IKBKB: variants seen among roughly 807,000 people sequenced by gnomAD.
IKBKB encodes inhibitor of nuclear factor kappa B kinase subunit beta, also known as inhibitor of nuclear factor kappa-B kinase subunit beta.
A neutral mutation model predicts 113.6 loss-of-function variants in IKBKB; 42 were observed. That is an observed-to-expected ratio of 0.37 (90% CI 0.29 to 0.48). The LOEUF (loss-of-function observed/expected upper bound fraction) is 0.48, where lower values mean the gene tolerates loss of function less well. IKBKB is among the 20% of genes least tolerant of loss of function. The pLI is 0.99. For synonymous variants in IKBKB, 296 were observed against 361.3 expected, an observed-to-expected ratio of 0.82 and a Z score of 2.05; for missense variants, 673 against 939.7, an observed-to-expected ratio of 0.72 and a Z score of 3.71.
rs1438889041 is a variant in IKBKB, at chr8:42,326,115, G to C, written c.2114+18G>C. ...AAGAAGAGGTAGGTCCTCCTTAGCA[G>C]TGCCAAGTGTGACCATCAAGGGCAC... On this transcript the variant is annotated intron_variant, in intron 20 of 21. Transcript: ENST00000520810. The C allele has an allele frequency of 7.4e-6, 12 of 1,613,760 alleles. No homozygotes were observed. The highest frequency in any genetic ancestry group is 1.0e-5 in the Non-Finnish European group (12 of 1,179,910).
chr8:42,320,421 G>A, intron 15 of IKBKB: 1 of 280,182 alleles, frequency 3.6e-6, no homozygotes, highest in South Asian at 4.1e-5. Flanking sequence ...TCTTCTGTAT[G>A]CCAGGCACCA....
intron 7 of IKBKB, among the ~76,000 whole-genome samples, chr8:42,308,282 CCT>C (rs750890608): frequency 0.17 from 5,125 of 29,336 alleles, 100 homozygotes; most frequent in Non-Finnish European, 0.37. Context: ...TTTTTTTTTT[CCT>C]TTTTTTTCTT....
rs774429138 is a variant in IKBKB, at chr8:42,319,400, G to A, written c.1495G>A (p.Glu499Lys). The A allele has an allele frequency of 6.2e-7, 1 of 1,614,160 alleles. No individual in the cohort carries two copies. Among genetic ancestry groups the A allele is most frequent in the Non-Finnish European group, 8.5e-7 (1 of 1,180,022 alleles). Reference sequence around the variant, plus strand: ...CCAGATTGACCTGGAGAAGTACAGCGAGCAAACCGAGTTTGGGATCAGTGA... The same window carrying A: ...CCAGATTGACCTGGAGAAGTACAGCAAGCAAACCGAGTTTGGGATCAGTGA... The part of the protein sequence containing the change: ...SIQIDLEKYS[E>K]QTEFGITSDK... The change falls in exon 14 of 22, where the codon GAG becomes AAG. Residue 499 changes from glutamate (E) to lysine (K), a missense_variant. Physicochemically the swap from Glu to Lys is moderately conservative, Grantham distance 56. Around this residue, in one of 2 missense-constraint regions of IKBKB, gnomAD observed 506 missense variants for 638.7 expected, o/e 0.79. Coordinates refer to ENST00000520810, the MANE Select transcript of IKBKB (RefSeq NM_001556.3).
At chr8:42,325,770 G>C (rs1820617124) in intron 19 of IKBKB, 200 bp from the exon 20 acceptor site, 1 of 1,398,006 alleles carries the variant, frequency 7.2e-7, no homozygotes, top group Non-Finnish European at 9.3e-7. Flanking sequence ...TTCCTCAAAA[G>C]TCTCCGTTGA....
At position 42,282,715 on chromosome 8, in the gene IKBKB, G is replaced by C. The variant is rs903146159; in HGVS notation, c.106-5919G>C. ...CAAACTCCCTGGGGTTTCAGAACCG[G>C]TGATCGTAGCCTGCTTCTGTTTTAA... On this transcript the variant is annotated intron_variant, in intron 2 of 21. Coordinates refer to ENST00000520810, the MANE Select transcript of IKBKB (RefSeq NM_001556.3). Among the ~76,000 whole-genome samples the C allele has an allele frequency of 6.6e-5, 10 of 152,202 alleles. 1 individual carries two copies. The highest frequency in any genetic ancestry group is 1.3e-4 in the Admixed American group (2 of 15,278).
chr8:42,272,051 A>T (rs771178614), intron 1 of IKBKB, 32 bp from the exon 2 acceptor site: 1 of 1,587,646 alleles, frequency 6.3e-7, no homozygotes. Flanking sequence ...TCTTAATCCT[A>T]ACCTTTTTTC....
intron 21 of IKBKB, 114 bp from the exon 22 acceptor site, chr8:42,330,800 G>C: frequency 6.4e-7 from 1 of 1,551,774 alleles, no homozygotes; most frequent in South Asian, 1.2e-5. Flanking sequence ...GAGCCACTGT[G>C]CCTGGCTGGG....
rs1381468757 is a variant in IKBKB, at chr8:42,327,191, T to C, written c.2114+1094T>C. Among the ~76,000 whole-genome samples, 6 of 152,298 alleles carry C rather than the reference T, an allele frequency of 3.9e-5. No homozygotes were observed. In the South Asian group the frequency reaches 8.3e-4, roughly 21 times the overall value. On this transcript the variant is annotated intron_variant, in intron 20 of 21. Transcript: ENST00000520810. ...TTTGTAGCCTCTTTTGGTGTTTATG[T>C]GACCTTGGATACTTAATTTTCTCTT...
chr8:42,289,982 G>A (rs1474198195), intron 3 of IKBKB, among the ~76,000 whole-genome samples, 174 bp from the exon 4 acceptor site: 1 of 152,164 alleles, frequency 6.6e-6, no homozygotes, highest in Admixed American at 6.5e-5. Context: ...GAGTGGGGCT[G>A]GGTGAGCGCC....
At position 42,316,978 on chromosome 8, in the gene IKBKB, A is replaced by G; in HGVS notation, c.1125+74A>G. On this transcript the variant is annotated intron_variant, in intron 11 of 21. Coordinates refer to ENST00000520810, the MANE Select transcript of IKBKB (RefSeq NM_001556.3). The surrounding 1 kb of genome is among the most constrained non-coding windows in gnomAD (Gnocchi z 4.5). ...CCTGGGAAACTCAACACACTTTCAG[A>G]TTTCAATTCTGCTTTGTCATGTAGT... The G allele has an allele frequency of 5.9e-6, 8 of 1,364,146 alleles. No homozygotes were observed. The highest frequency in any genetic ancestry group is 8.2e-6 in the Non-Finnish European group (8 of 970,608). 84.5% of individuals were successfully genotyped at this position (1,364,146 alleles called of 1,614,324 possible). A position where few individuals can be genotyped will look rare whatever the true frequency, so the allele number is the denominator to read the frequency against.
In IKBKB at chr8:42,325,972, C is replaced by T; in HGVS notation, c.1989C>T (p.Ser663=). Residue 663 remains serine, a splice_region_variant and synonymous_variant, in exon 20 of 22, where the codon AGC becomes AGT. Transcript: ENST00000520810. ...TTTCTTTTGATTTTGTCCCCTAGAG[C>T]AAGGTCCGTGGTCCTGTCAGTGGAA... is the stretch of plus-strand genomic sequence containing the variant. The part of the protein sequence containing the change: ...ELWNLLKIAC[S]KVRGPVSGSP... 6.2e-7 allele frequency: 1 copy of T among 1,614,074 alleles called. No homozygotes were observed. Among genetic ancestry groups the T allele is most frequent in the South Asian group, 1.1e-5 (1 of 91,050 alleles).
At chr8:42,271,736 A>G in intron 1 of IKBKB, 2 of 508,098 alleles carry the variant, frequency 3.9e-6, no homozygotes, top group South Asian at 2.5e-5. Flanking sequence ...GCTCAGAAGT[A>G]GGTTCTGCCC....
At chr8:42,292,453 G>A (rs1239314420) in intron 4 of IKBKB, among the ~76,000 whole-genome samples, 2 of 152,208 alleles carry the variant, frequency 1.3e-5, no homozygotes, top group African/African-American at 2.4e-5. Flanking sequence ...GCGGGGTTGG[G>A]GGAGGACACT....
chr8:42,319,239 G>T (rs376634866), intron 13 of IKBKB, 31 bp from the exon 14 acceptor site: 29 of 1,606,902 alleles, frequency 1.8e-5, no homozygotes, highest in Non-Finnish European at 2.3e-5. Context: ...TCCCAGAGAT[G>T]CTCCAAGACT....
intron 7 of IKBKB, 148 bp downstream of exon 7, chr8:42,306,580 C>T (rs929605942): frequency 2.1e-5 from 13 of 619,774 alleles, no homozygotes; most frequent in East Asian, 1.7e-4. Context: ...ATAACCTGGT[C>T]GAGTCAGCAT....
chr8:42,277,895 C>T (rs1320641998), intron 2 of IKBKB, among the ~76,000 whole-genome samples: 2 of 152,358 alleles, frequency 1.3e-5, no homozygotes, highest in African/African-American at 4.8e-5. Context: ...TGCCCCAAAT[C>T]ATCCACTCTG....
chr8:42,326,147 A>T (rs200359069), intron 20 of IKBKB, 50 bp downstream of exon 20: 18 of 1,608,050 alleles, frequency 1.1e-5, no homozygotes, highest in Non-Finnish European at 1.5e-5. Context: ...GCACGTCAGG[A>T]GATCGGGGAT....
intron 2 of IKBKB, among the ~76,000 whole-genome samples, chr8:42,283,957 A>G (rs933367431): frequency 6.6e-6 from 1 of 152,142 alleles, no homozygotes; most frequent in Non-Finnish European, 1.5e-5. Flanking sequence ...GCTCTTGGCA[A>G]TGGCACCTCA....
At chr8:42,297,225 C>A (rs995149871) in intron 5 of IKBKB, among the ~76,000 whole-genome samples, 16 of 152,220 alleles carry the variant, frequency 1.1e-4, no homozygotes, top group Admixed American at 9.2e-4. Context: ...ATTCTAAATC[C>A]ATTAAATTTC....
Sources: gnomAD v4.1 joint callset for allele counts (sites outside exome capture counted in the v4.1 genomes callset) on GRCh38, gnomAD v4.1.1 for gene constraint, gnomAD v4.1.1 regional missense constraint, Gnocchi (gnomAD v3.1) non-coding constraint, MANE v1.5 for transcripts, NCBI Gene and HGNC (gene_info 2026-07-23, HGNC 2026-07-21) for gene names.